KDM4B: variants seen among roughly 807,000 people sequenced by gnomAD.
KDM4B encodes lysine demethylase 4B, also known as lysine-specific demethylase 4B.
KDM4B carries 32 observed loss-of-function variants against 125.2 expected under a neutral mutation model. That is an observed-to-expected ratio of 0.26 (90% CI 0.19 to 0.34). The LOEUF (loss-of-function observed/expected upper bound fraction) is 0.34. Ranked by LOEUF, KDM4B falls within the 10% of genes least tolerant of loss-of-function variation. The pLI is 1.00. For missense variants in KDM4B, 1,190 were observed against 1,577.7 expected, an observed-to-expected ratio of 0.75 and a Z score of 4.16; for synonymous variants, 721 against 677.9, an observed-to-expected ratio of 1.06 and a Z score of -0.99.
chr19:5,134,736 A>AC (rs2146072114), intron 14 of KDM4B, among the ~76,000 whole-genome samples: 1 of 150,914 alleles, frequency 6.6e-6, no homozygotes. Context: ...TGGGGACGTC[A>AC]CCCCCCAGGC....
In KDM4B at chr19:5,032,845, C is replaced by T. The variant is rs772451512; in HGVS notation, c.-25-21C>T. 246 of 1,605,206 alleles carry T rather than the reference C, an allele frequency of 1.5e-4. 2 individuals are homozygous for T. The highest frequency in any genetic ancestry group is 1.3e-3 in the South Asian group (114 of 90,418). ...GGCATGGCGGCACCGCTGGTTCACC[C>T]TCTCTCGTCTTCCTCCACAGGTGTG... On this transcript the variant is annotated intron_variant, in intron 2 of 22. Coordinates refer to ENST00000159111, the MANE Select transcript of KDM4B (RefSeq NM_015015.3).
chr19:5,134,264 C>T (rs915467239), intron 14 of KDM4B, among the ~76,000 whole-genome samples: 2 of 152,194 alleles, frequency 1.3e-5, no homozygotes, highest in Non-Finnish European at 2.9e-5. Context: ...ACTAACGTGC[C>T]CATGTGCAAC....
In KDM4B at chr19:5,088,489, G is replaced by A. The variant is rs887015568; in HGVS notation, c.918+5985G>A. On this transcript the variant is annotated intron_variant, in intron 9 of 22. Transcript: ENST00000159111. Reference sequence around the variant, plus strand: ...CTGGGTTCGACTTCCATCTAGAGCAGAGGTCGATGGGGGGGAGGTTGCCCC... The same window carrying A: ...CTGGGTTCGACTTCCATCTAGAGCAAAGGTCGATGGGGGGGAGGTTGCCCC... 6.6e-5 allele frequency among the ~76,000 whole-genome samples: 10 copies of A among 152,224 alleles called. 1 individual carries two copies. The highest frequency in any genetic ancestry group is 2.4e-4 in the African/African-American group (10 of 41,462).
intron 11 of KDM4B, among the ~76,000 whole-genome samples, chr19:5,127,715 G>A (rs2039472685): frequency 1.3e-5 from 2 of 152,176 alleles, no homozygotes; most frequent in Admixed American, 1.3e-4. Flanking sequence ...CCTGTCCTTG[G>A]AGGAGGAGGG....
intron 1 of KDM4B, among the ~76,000 whole-genome samples, chr19:5,009,016 GT>G (rs2035651584): frequency 6.7e-6 from 1 of 148,888 alleles, no homozygotes; most frequent in South Asian, 2.1e-4. Flanking sequence ...CCAGGTTCAA[GT>G]AATTCTCCTG....
At chr19:5,020,430 A>G (rs1302262158) in intron 2 of KDM4B, among the ~76,000 whole-genome samples, 3 of 152,068 alleles carry the variant, frequency 2.0e-5, no homozygotes, top group African/African-American at 7.2e-5. Context: ...CCAAGGGTAC[A>G]TTCTGTTTAG....
At chr19:5,034,791 C>T (rs925317433) in intron 3 of KDM4B, among the ~76,000 whole-genome samples, 3 of 152,158 alleles carry the variant, frequency 2.0e-5, no homozygotes, top group Non-Finnish European at 4.4e-5. Flanking sequence ...GAAGCAGTCT[C>T]GCACCATCTT....
At chr19:5,047,737 T>C in intron 6 of KDM4B, 68 bp downstream of exon 6, 1 of 1,470,884 alleles carries the variant, frequency 6.8e-7, no homozygotes, top group Non-Finnish European at 9.4e-7. Context: ...CAATCCCGGG[T>C]ACACGGCTGG....
intron 5 of KDM4B, among the ~76,000 whole-genome samples, chr19:5,043,503 T>G (rs2036902322): frequency 6.8e-6 from 1 of 147,304 alleles, no homozygotes; most frequent in Non-Finnish European, 1.5e-5. Flanking sequence ...GTGCTGTGTT[T>G]ATCGGAGTGG....
chr19:5,073,736 T>C (rs1223542055), intron 7 of KDM4B, among the ~76,000 whole-genome samples: 3 of 151,988 alleles, frequency 2.0e-5, no homozygotes, highest in Non-Finnish European at 4.4e-5. Flanking sequence ...GGTTTCTAAG[T>C]GTGCAGAGGG....
chr19:5,139,414 G>A (rs1050751402), intron 18 of KDM4B, among the ~76,000 whole-genome samples: 5 of 152,210 alleles, frequency 3.3e-5, no homozygotes, highest in African/African-American at 1.2e-4. Flanking sequence ...TTGTGGTTTG[G>A]AGATTCTGAT....
intron 1 of KDM4B, among the ~76,000 whole-genome samples, chr19:4,993,747 A>G (rs960344782): frequency 1.4e-4 from 22 of 152,088 alleles, no homozygotes; most frequent in African/African-American, 5.3e-4. Context: ...AGTAGCTGGG[A>G]CTACAGGTGT....
At position 5,141,389 on chromosome 19, in the gene KDM4B, G is replaced by A. The variant is rs903144752; in HGVS notation, c.2551-2578G>A. ...TTCAGGTGGAGTGATGGTGCGATGC[G>A]TGGTGCAGTGATAAGTCCTCCTGCC... On this transcript the variant is annotated intron_variant, in intron 18 of 22. Transcript: ENST00000159111. This position sits in a 1 kb window ranked among gnomAD's most constrained non-coding sequence, Gnocchi z 6.4. 6 of 152,252 alleles carry A rather than the reference G, an allele frequency of 3.9e-5. No homozygotes were observed. The highest frequency in any genetic ancestry group is 5.9e-5 in the Non-Finnish European group (4 of 68,044). The allele number at this position is 152,252 out of a possible 1,614,324, so 9.4% of individuals were successfully genotyped here.
At position 5,035,880 on chromosome 19, in the gene KDM4B, T is replaced by TGTGTGTGTGTGG. The variant is rs58219404; in HGVS notation, c.141+2850_141+2851insTGTGTGTGTGGG. Among the ~76,000 whole-genome samples, 1 of 136,400 alleles carries TGTGTGTGTGTGG rather than the reference T, an allele frequency of 7.3e-6. No homozygotes were observed. The highest frequency in any genetic ancestry group is 2.6e-5 in the African/African-American group (1 of 37,794). 89.5% of individuals were successfully genotyped at this position (136,400 alleles called of 152,430 possible). A position where few individuals can be genotyped will look rare whatever the true frequency, so the allele number is the denominator to read the frequency against. The stretch of plus-strand genomic sequence containing the variant: ...ACGTGTCTCTGTGTGTGTGTGTGTG[T>TGTGTGTGTGTGG]GCGCGCGCGCGCGCGCCTGCGCGCA... On this transcript the variant is annotated intron_variant, in intron 3 of 22. Transcript: ENST00000159111. The surrounding 1 kb of genome is among the most constrained non-coding windows in gnomAD (Gnocchi z 5.3).
At chr19:5,131,827 A>T in intron 12 of KDM4B, 60 bp from the exon 13 acceptor site, 2 of 1,608,026 alleles carry the variant, frequency 1.2e-6, no homozygotes, top group Non-Finnish European at 1.7e-6. Flanking sequence ...TGTGGCTCCG[A>T]GGGAGCCCCA....
intron 1 of KDM4B, among the ~76,000 whole-genome samples, chr19:4,986,697 A>C (rs1205476962): frequency 6.6e-6 from 1 of 152,206 alleles, no homozygotes; most frequent in Non-Finnish European, 1.5e-5. Context: ...CCAGCAGGTG[A>C]CATTCAGTCA....
At chr19:5,093,618 G>A (rs1036782079) in intron 9 of KDM4B, among the ~76,000 whole-genome samples, 7 of 152,222 alleles carry the variant, frequency 4.6e-5, no homozygotes, top group African/African-American at 1.2e-4. Flanking sequence ...GCGCAGATGC[G>A]GGCGCCTCTG....
chr19:5,052,983 C>T (rs2037279927), intron 6 of KDM4B, among the ~76,000 whole-genome samples: 1 of 152,228 alleles, frequency 6.6e-6, no homozygotes, highest in Admixed American at 6.5e-5. Context: ...CCGCTTTGCT[C>T]TGGCTGGGCC....
intron 9 of KDM4B, among the ~76,000 whole-genome samples, chr19:5,097,191 T>C (rs974015643): frequency 6.6e-6 from 1 of 152,142 alleles, no homozygotes; most frequent in Non-Finnish European, 1.5e-5. Flanking sequence ...TTCTTAAATA[T>C]GTAGTAAAAG....
Sources: gnomAD v4.1 joint callset for allele counts (sites outside exome capture counted in the v4.1 genomes callset) on GRCh38, gnomAD v4.1.1 for gene constraint, Gnocchi (gnomAD v3.1) non-coding constraint, MANE v1.5 for transcripts, NCBI Gene and HGNC (gene_info 2026-07-23, HGNC 2026-07-21) for gene names.